Variants in PIGK observed in about 807,000 individuals in gnomAD.
PIGK encodes the protein phosphatidylinositol glycan anchor biosynthesis class K.
In PIGK, 42 loss-of-function variants were observed where a neutral mutation model predicts 50.6. The ratio of observed to expected loss-of-function variants is 0.83; its 90% CI spans 0.65 to 1.07. PIGK has a LOEUF of 1.07. Among genes scored for constraint, PIGK ranks in the 50% least tolerant of loss-of-function variants. The pLI, the probability that PIGK is intolerant of heterozygous loss-of-function variation, is 0.00. For synonymous variants in PIGK, 151 were observed against 156.0 expected (o/e 0.97, Z 0.24); for missense variants, 448 against 488.7 (o/e 0.92, Z 0.78).
chr1:77,145,188 CTT>C (rs1654740637), intron 9 of PIGK, among the ~76,000 whole-genome samples: 4 of 152,038 alleles, frequency 2.6e-5, no homozygotes, highest in African/African-American at 9.6e-5. Flanking sequence ...GTAAATTTAA[CTT>C]TTGATTTAAT....
chr1:77,111,664 G>A (rs1653847699), intron 10 of PIGK, among the ~76,000 whole-genome samples: 1 of 151,704 alleles, frequency 6.6e-6, no homozygotes, highest in Non-Finnish European at 1.5e-5. Flanking sequence ...GCTAAATAAC[G>A]AGTTAATGGG....
chr1:77,096,143 T>C (rs1570175944), intron 10 of PIGK, among the ~76,000 whole-genome samples: 1 of 152,240 alleles, frequency 6.6e-6, no homozygotes. Flanking sequence ...GAATACATGA[T>C]ACAAAGACAA....
At chr1:77,208,211 G>A (rs1292135430) in intron 2 of PIGK, among the ~76,000 whole-genome samples, 7 of 152,138 alleles carry the variant, frequency 4.6e-5, no homozygotes, top group Admixed American at 3.9e-4. Context: ...GGGAGACAGT[G>A]CAAGACCTCA....
intron 3 of PIGK, chr1:77,195,295 G>C: frequency 7.4e-7 from 1 of 1,342,570 alleles, no homozygotes; most frequent in Non-Finnish European, 1.1e-6. Flanking sequence ...AGGCAAAGGA[G>C]CAGGGAAGAA....
chr1:77,186,461 G>A (rs1453233712), intron 3 of PIGK, among the ~76,000 whole-genome samples: 1 of 152,236 alleles, frequency 6.6e-6, no homozygotes, highest in Non-Finnish European at 1.5e-5. Context: ...TGATCTGGCT[G>A]GATGGTCAGG....
At chr1:77,155,302 C>T (rs535643378) in intron 8 of PIGK, among the ~76,000 whole-genome samples, 1 of 152,324 alleles carries the variant, frequency 6.6e-6, no homozygotes, top group East Asian at 1.9e-4. Flanking sequence ...ACAGACATCA[C>T]AGTAATTTTT....
At chr1:77,098,078 A>G (rs749447553) in intron 10 of PIGK, among the ~76,000 whole-genome samples, 11 of 152,172 alleles carry the variant, frequency 7.2e-5, no homozygotes, top group Non-Finnish European at 1.3e-4. Context: ...GATTTAGTAT[A>G]TTATAAAAGG....
At chr1:77,116,591 TGTGTGC>T (rs1486670656) in intron 10 of PIGK, among the ~76,000 whole-genome samples, 3,086 of 66,446 alleles carry the variant, frequency 0.046, 80 homozygotes, top group African/African-American at 0.16. Flanking sequence ...TGTGTGTGTG[TGTGTGC>T]GCGTGTGTGT....
chr1:77,140,080 C>G (rs1004751612), intron 9 of PIGK, among the ~76,000 whole-genome samples: 1 of 152,096 alleles, frequency 6.6e-6, no homozygotes, highest in African/African-American at 2.4e-5. Context: ...GCTCAAATAT[C>G]AGGTTGAACT....
intron 10 of PIGK, among the ~76,000 whole-genome samples, chr1:77,110,873 C>T (rs1653824585): frequency 2.0e-5 from 3 of 151,940 alleles, no homozygotes; most frequent in African/African-American, 7.3e-5. Context: ...TGACAAAGGG[C>T]TAATATCCAG....
chr1:77,157,323 A>G (rs1655030508), intron 8 of PIGK, among the ~76,000 whole-genome samples: 1 of 152,198 alleles, frequency 6.6e-6, no homozygotes, highest in African/African-American at 2.4e-5. Context: ...TTAAATCTTA[A>G]AAATAAAGGT....
At chr1:77,133,273 T>C (rs1654419957) in intron 9 of PIGK, among the ~76,000 whole-genome samples, 1 of 152,158 alleles carries the variant, frequency 6.6e-6, no homozygotes, top group African/African-American at 2.4e-5. Flanking sequence ...GTATCCAATT[T>C]GCTGTTAAGC....
chr1:77,177,845 T>C (rs1225682708), intron 3 of PIGK, among the ~76,000 whole-genome samples: 2 of 152,176 alleles, frequency 1.3e-5, no homozygotes, highest in African/African-American at 4.8e-5. Context: ...TTTGGATTCA[T>C]AATCTCACAA....
intron 3 of PIGK, among the ~76,000 whole-genome samples, chr1:77,177,930 T>C (rs1249841584): frequency 1.3e-5 from 2 of 151,994 alleles, no homozygotes; most frequent in African/African-American, 4.8e-5. Context: ...CCAGGAAAGT[T>C]TCTCCCCAGA....
chr1:77,154,703 A>G (rs998529749), intron 8 of PIGK, 82 bp from the exon 9 acceptor site: 1 of 890,616 alleles, frequency 1.1e-6, no homozygotes, highest in South Asian at 1.6e-5. Context: ...TCACTAAACT[A>G]TAGTGTATTT....
Position 77,091,439 on chromosome 1 carries a change from G to C in PIGK, c.*935C>G, listed in dbSNP as rs1653296047. The C allele has an allele frequency of 6.6e-6, 1 of 152,166 alleles. No individual in the cohort carries two copies. Among genetic ancestry groups the C allele is most frequent in the Admixed American group, 6.5e-5 (1 of 15,270 alleles). The allele number at this position is 152,166 out of a possible 1,614,324, so 9.4% of individuals were successfully genotyped here. A position where few individuals can be genotyped will look rare whatever the true frequency, so the allele number is the denominator to read the frequency against. ...TGGGATTTTTCTCAAGGAAAGTATA[G>C]ATACAGCCAGTGGGCAAGGAGGTTT... On this transcript the variant is annotated 3_prime_UTR_variant, in exon 11 of 11. Coordinates refer to ENST00000370812, the MANE Select transcript of PIGK (RefSeq NM_005482.3).
chr1:77,211,843 A>G (rs535805729), intron 1 of PIGK, among the ~76,000 whole-genome samples: 13 of 147,176 alleles, frequency 8.8e-5, no homozygotes, highest in Non-Finnish European at 1.6e-4. Flanking sequence ...ATTGAAAGAG[A>G]GAGGGGCCTG....
chr1:77,105,419 G>A (rs1387681047), intron 10 of PIGK, among the ~76,000 whole-genome samples: 2 of 151,960 alleles, frequency 1.3e-5, no homozygotes, highest in African/African-American at 4.8e-5. Flanking sequence ...TGGCTTGAAG[G>A]TGGGGTTTCA....
chr1:77,218,185 C>T (rs1656628536), intron 1 of PIGK, among the ~76,000 whole-genome samples: 1 of 152,110 alleles, frequency 6.6e-6, no homozygotes, highest in African/African-American at 2.4e-5. Context: ...GAAAAGTAGG[C>T]AAGCACCAGG....
Sources: allele counts gnomAD v4.1 joint callset (sites outside exome capture counted in the v4.1 genomes callset), GRCh38; gene constraint gnomAD v4.1.1; transcripts MANE v1.5; gene names NCBI Gene and HGNC (gene_info 2026-07-23, HGNC 2026-07-21).